The following F13A1 variants were observed in gnomAD, a reference collection of about 807,000 sequenced individuals.
The protein encoded by F13A1 is FSF, A subunit.
A neutral mutation model predicts 80.1 loss-of-function variants in F13A1; 47 were observed. The ratio of observed to expected loss-of-function variants is 0.59; its 90% confidence interval spans 0.46 to 0.75. The LOEUF (loss-of-function observed/expected upper bound fraction) is 0.75. Among genes scored for constraint, F13A1 ranks in the 30% least tolerant of loss-of-function variants. The pLI is 0.00. For synonymous variants in F13A1, 349 were observed against 344.9 expected, an observed-to-expected ratio of 1.01 and a Z score of -0.13; for missense variants, 817 against 930.4, an observed-to-expected ratio of 0.88 and a Z score of 1.59.
In F13A1 at chr6:6,186,694, T is replaced by G. The variant is rs1334054823; in HGVS notation, c.1306-4553A>C. On this transcript the variant is annotated intron_variant, in intron 10 of 14. Transcript: ENST00000264870. ...TTTGTTCTTTTGGCTTAGGATTGAC[T>G]TGGTGATGCAGGCTCTTTTTTTGCT... Among the ~76,000 whole-genome samples the G allele has an allele frequency of 2.6e-5, 4 of 152,246 alleles. No individual in the cohort carries two copies. The East Asian group carries it at 5.8e-4, about 22-fold the overall frequency.
chr6:6,235,075 G>A (rs1358708157), intron 6 of F13A1, among the ~76,000 whole-genome samples: 1 of 151,898 alleles, frequency 6.6e-6, no homozygotes, highest in Non-Finnish European at 1.5e-5. Context: ...GGCATCAATT[G>A]GATATTCATA....
chr6:6,290,476 G>A (rs1257712992), intron 3 of F13A1, among the ~76,000 whole-genome samples: 1 of 152,182 alleles, frequency 6.6e-6, no homozygotes, highest in Non-Finnish European at 1.5e-5. Flanking sequence ...AGTGTTTATA[G>A]TAGAACAATT....
intron 2 of F13A1, among the ~76,000 whole-genome samples, chr6:6,313,460 A>G (rs1674048): frequency 0.73 from 110,734 of 151,488 alleles, 40,840 homozygotes; most frequent in East Asian, 0.86. Flanking sequence ...CTGTCCTCCT[A>G]CTTTTTGTCT....
intron 3 of F13A1, among the ~76,000 whole-genome samples, chr6:6,293,124 C>T (rs1017370095): frequency 5.3e-5 from 8 of 152,112 alleles, no homozygotes; most frequent in African/African-American, 1.9e-4. Context: ...ATCTCCAAAG[C>T]GCTGACCTGG....
chr6:6,232,550 CAG>C (rs1471813707), intron 6 of F13A1, among the ~76,000 whole-genome samples: 2 of 152,110 alleles, frequency 1.3e-5, no homozygotes, highest in Non-Finnish European at 2.9e-5. Context: ...GTCATCAAGA[CAG>C]AAAGTCAACA....
chr6:6,312,030 TA>T (rs1467087913), intron 2 of F13A1, among the ~76,000 whole-genome samples: 2 of 147,824 alleles, frequency 1.4e-5, no homozygotes, highest in South Asian at 2.1e-4. Context: ...GCAAACTTTT[TA>T]TATATATATA....
At chr6:6,228,391 A>G (rs914789400) in intron 6 of F13A1, among the ~76,000 whole-genome samples, 1 of 152,196 alleles carries the variant, frequency 6.6e-6, no homozygotes, top group Admixed American at 6.5e-5. Context: ...CAGCTAGTCA[A>G]CAAAAACCTG....
rs543335580 is a variant in F13A1, at chr6:6,191,834, C to T, written c.1305+3963G>A. On this transcript the variant is annotated intron_variant, in intron 10 of 14. Transcript: ENST00000264870. Reference sequence around the variant, plus strand: ...ACCCTAGATCCTGCTCTCAGCAATGCGGTTACAAGAGCTTCTACCTTCATG... The same window carrying T: ...ACCCTAGATCCTGCTCTCAGCAATGTGGTTACAAGAGCTTCTACCTTCATG... 8.3e-4 allele frequency among the ~76,000 whole-genome samples: 126 copies of T among 152,278 alleles called. 1 individual carries two copies. The highest frequency in any genetic ancestry group is 2.6e-3 in the African/African-American group (108 of 41,550).
chr6:6,299,568 C>G (rs1359799902), intron 3 of F13A1, among the ~76,000 whole-genome samples: 2 of 137,200 alleles, frequency 1.5e-5, no homozygotes, highest in African/African-American at 3.3e-5. Flanking sequence ...GCATTCTTCA[C>G]GTAGTTCTCG....
chr6:6,148,178 C>T (rs562679129), intron 14 of F13A1, among the ~76,000 whole-genome samples: 14 of 152,138 alleles, frequency 9.2e-5, no homozygotes, highest in African/African-American at 2.7e-4. Flanking sequence ...AATTATTTGA[C>T]GCTCTGGAAG....
At chr6:6,288,372 G>A (rs1467226244) in intron 3 of F13A1, among the ~76,000 whole-genome samples, 2 of 152,114 alleles carry the variant, frequency 1.3e-5, no homozygotes, top group Non-Finnish European at 2.9e-5. Context: ...TTTCTACTGT[G>A]TTTCTGAGAT....
intron 9 of F13A1, among the ~76,000 whole-genome samples, 192 bp downstream of exon 9, chr6:6,197,031 A>G (rs1761303256): frequency 6.6e-6 from 1 of 152,254 alleles, no homozygotes; most frequent in Non-Finnish European, 1.5e-5. Context: ...CTGTAAAATA[A>G]TCAGGGTAAA....
intron 8 of F13A1, among the ~76,000 whole-genome samples, chr6:6,212,081 A>C (rs191075456): frequency 6.6e-6 from 1 of 152,268 alleles, no homozygotes; most frequent in African/African-American, 2.4e-5. Context: ...TCAAACAGCA[A>C]AGCAGCAGCA....
At chr6:6,198,634 T>C (rs1761334399) in intron 8 of F13A1, among the ~76,000 whole-genome samples, 1 of 152,176 alleles carries the variant, frequency 6.6e-6, no homozygotes, top group Non-Finnish European at 1.5e-5. Context: ...GACTCAGAGA[T>C]GATCAAAACA....
At chr6:6,266,922 G>C in intron 3 of F13A1, 113 bp from the exon 4 acceptor site, 2 of 1,467,904 alleles carry the variant, frequency 1.4e-6, no homozygotes, top group Non-Finnish European at 1.9e-6. Flanking sequence ...AATTATTCTT[G>C]ACTTGAAGAA....
intron 10 of F13A1, among the ~76,000 whole-genome samples, chr6:6,184,787 A>G (rs1269649141): frequency 6.6e-6 from 1 of 152,218 alleles, no homozygotes; most frequent in African/African-American, 2.4e-5. Flanking sequence ...GTAGGCTGAA[A>G]TCTCAGGACA....
At position 6,174,797 on chromosome 6, in the gene F13A1, T is replaced by C; in HGVS notation, c.1530A>G (p.Glu510=). The change falls in exon 12 of 15, where the codon GAA becomes GAG. Residue 510 remains glutamate, a synonymous_variant. Transcript: ENST00000264870. ...CGTTGGACCTTGATTTCATGACACC[T>C]TCTGTGTTGAGGGGCTTTTTAGCTC... ...MYGAKKPLNT[E]GVMKSRSNVD... 6.2e-7 allele frequency: 1 copy of C among 1,614,152 alleles called. No homozygotes were observed. Among genetic ancestry groups the C allele is most frequent in the Non-Finnish European group, 8.5e-7 (1 of 1,180,002 alleles).
chr6:6,190,016 C>T (rs1232812646), intron 10 of F13A1, among the ~76,000 whole-genome samples: 8 of 152,160 alleles, frequency 5.3e-5, no homozygotes, highest in African/African-American at 9.7e-5. Flanking sequence ...TTGATCGCAT[C>T]GGCTCCTGAG....
intron 4 of F13A1, among the ~76,000 whole-genome samples, chr6:6,261,411 C>A (rs1038270877): frequency 1.3e-5 from 2 of 152,240 alleles, no homozygotes; most frequent in African/African-American, 2.4e-5. Flanking sequence ...GCTCTGGGGG[C>A]CATGCCCAGC....
Sources: allele counts gnomAD v4.1 joint callset (sites outside exome capture counted in the v4.1 genomes callset), GRCh38; gene constraint gnomAD v4.1.1; transcripts MANE v1.5; gene names NCBI Gene and HGNC (gene_info 2026-07-23, HGNC 2026-07-21).